The following OSBPL3 variants were observed in gnomAD, a reference collection of about 807,000 sequenced individuals.
OSBPL3 encodes the protein oxysterol binding protein like 3.
A neutral mutation model predicts 120.1 loss-of-function variants in OSBPL3; 65 were observed. The observed-to-expected ratio is 0.54, with a 90% confidence interval of 0.44 to 0.67. The LOEUF (loss-of-function observed/expected upper bound fraction) is 0.67. Ranked by LOEUF, OSBPL3 falls within the 30% of genes least tolerant of loss-of-function variation. The pLI is 0.00. For missense variants in OSBPL3, 1,004 were observed against 1,082.1 expected (o/e 0.93, Z 1.01); for synonymous variants, 416 against 402.6 (o/e 1.03, Z -0.40).
At chr7:24,911,769 T>C (rs749716912) in intron 1 of OSBPL3, among the ~76,000 whole-genome samples, 3 of 152,164 alleles carry the variant, frequency 2.0e-5, no homozygotes, top group Admixed American at 6.5e-5. Context: ...ACAGGAAGTT[T>C]TACTCACTTC....
At position 24,883,077 on chromosome 7, in the gene OSBPL3, A is replaced by C. The variant is rs11978132; in HGVS notation, c.96+9300T>G. The stretch of plus-strand genomic sequence containing the variant: ...GTGCAGAAACTTTTTAGTTTAATTA[A>C]GTAGGAAGTGAACATGTCTTTTTAT... On this transcript the variant is annotated intron_variant, in intron 2 of 22. Transcript: ENST00000313367. This position sits in a 1 kb window ranked among gnomAD's most constrained non-coding sequence, Gnocchi z 5.4. 0.014 allele frequency among the ~76,000 whole-genome samples: 2,192 copies of C among 152,264 alleles called. 60 individuals are homozygous for C. Among genetic ancestry groups the C allele is most frequent in the African/African-American group, 0.05 (2,063 of 41,532 alleles).
At position 24,881,614 on chromosome 7, in the gene OSBPL3, G is replaced by T. The variant is rs944279758; in HGVS notation, c.97-9545C>A. Among the ~76,000 whole-genome samples the T allele has an allele frequency of 6.6e-6, 1 of 152,186 alleles. No homozygotes were observed. The highest frequency in any genetic ancestry group is 1.5e-5 in the Non-Finnish European group (1 of 68,030). On this transcript the variant is annotated intron_variant, in intron 2 of 22. Transcript: ENST00000313367. This position sits in a 1 kb window ranked among gnomAD's most constrained non-coding sequence, Gnocchi z 4.3. ...AGACAGGCATAATCTCCAAAGCCTA[G>T]ATCCACATGAGCTGGGACTCCCAGA...
intron 1 of OSBPL3, among the ~76,000 whole-genome samples, chr7:24,909,783 C>CTTTTTTTTTT (rs10591188): frequency 5.2e-5 from 4 of 77,294 alleles, no homozygotes; most frequent in Non-Finnish European, 6.8e-5. Flanking sequence ...TTTTTTCTTT[C>CTTTTTTTTTT]TTTTTTTTTT....
In OSBPL3 at chr7:24,894,586, A is replaced by T. The variant is rs1404868040; in HGVS notation, c.-149-1965T>A. Among the ~76,000 whole-genome samples, 1 of 152,172 alleles carries T rather than the reference A, an allele frequency of 6.6e-6. No homozygotes were observed. The highest frequency in any genetic ancestry group is 2.4e-5 in the African/African-American group (1 of 41,446). On this transcript the variant is annotated intron_variant, in intron 1 of 22. Coordinates refer to ENST00000313367, the MANE Select transcript of OSBPL3 (RefSeq NM_015550.4). The surrounding 1 kb of genome is among the most constrained non-coding windows in gnomAD (Gnocchi z 4.1). Reference sequence around the variant, plus strand: ...TGCTTGGGGCGGGGAGGGGGCATCCACTGCTATGGCAACAGATTCCACAGT... The same window carrying T: ...TGCTTGGGGCGGGGAGGGGGCATCCTCTGCTATGGCAACAGATTCCACAGT...
At chr7:24,825,062 G>A (rs532113380) in intron 16 of OSBPL3, among the ~76,000 whole-genome samples, 1 of 152,348 alleles carries the variant, frequency 6.6e-6, no homozygotes, top group South Asian at 2.1e-4. Context: ...ACCATGGCCA[G>A]GACTTTGGAT....
Position 24,949,148 on chromosome 7 carries a change from T to C in OSBPL3, c.-150+30738A>G, listed in dbSNP as rs746298093. On this transcript the variant is annotated intron_variant, in intron 1 of 22. Coordinates refer to ENST00000313367, the MANE Select transcript of OSBPL3 (RefSeq NM_015550.4). Reference sequence around the variant, plus strand: ...ATTCACCTAGAATTTATCAATTTGCTTATTCACGTTAACAGAACCACATTT... The same window carrying C: ...ATTCACCTAGAATTTATCAATTTGCCTATTCACGTTAACAGAACCACATTT... Among the ~76,000 whole-genome samples, 71 of 152,234 alleles carry C rather than the reference T, an allele frequency of 4.7e-4. 1 individual carries two copies. The highest frequency in any genetic ancestry group is 9.0e-4 in the Non-Finnish European group (61 of 68,034).
At chr7:24,876,762 T>C (rs1802906155) in intron 2 of OSBPL3, among the ~76,000 whole-genome samples, 1 of 152,140 alleles carries the variant, frequency 6.6e-6, no homozygotes, top group South Asian at 2.1e-4. Context: ...TAAACCTAAC[T>C]ATATAAGCAA....
At chr7:24,890,540 A>G (rs1805193701) in intron 2 of OSBPL3, among the ~76,000 whole-genome samples, 1 of 152,188 alleles carries the variant, frequency 6.6e-6, no homozygotes, top group African/African-American at 2.4e-5. Flanking sequence ...GGGACAGAAC[A>G]CCTTTCTTCG....
At position 24,939,635 on chromosome 7, in the gene OSBPL3, T is replaced by C. The variant is rs1371925976; in HGVS notation, c.-150+40251A>G. On this transcript the variant is annotated intron_variant, in intron 1 of 22. Coordinates refer to ENST00000313367, the MANE Select transcript of OSBPL3 (RefSeq NM_015550.4). This position sits in a 1 kb window ranked among gnomAD's most constrained non-coding sequence, Gnocchi z 4.2. Reference sequence around the variant, plus strand: ...CTCTGGAACTTCCCTAATTTTAGACTTTTTAAATGTAGTTTCTTCTATTTG... The same window carrying C: ...CTCTGGAACTTCCCTAATTTTAGACCTTTTAAATGTAGTTTCTTCTATTTG... Among the ~76,000 whole-genome samples, 5 of 152,340 alleles carry C rather than the reference T, an allele frequency of 3.3e-5. No homozygotes were observed. The highest frequency in any genetic ancestry group is 1.2e-4 in the African/African-American group (5 of 41,570).
Position 24,797,907 on chromosome 7 carries a change from G to A in OSBPL3, c.*2276C>T, listed in dbSNP as rs1791890384. 1 of 152,100 alleles carries A rather than the reference G, an allele frequency of 6.6e-6. No individual in the cohort carries two copies. Among genetic ancestry groups the A allele is most frequent in the Admixed American group, 6.6e-5 (1 of 15,262 alleles). 9.4% of individuals were successfully genotyped at this position (152,100 alleles called of 1,614,324 possible). A position where few individuals can be genotyped will look rare whatever the true frequency, so the allele number is the denominator to read the frequency against. On this transcript the variant is annotated 3_prime_UTR_variant, in exon 23 of 23. Coordinates refer to ENST00000313367, the MANE Select transcript of OSBPL3 (RefSeq NM_015550.4). This position sits in a 1 kb window ranked among gnomAD's most constrained non-coding sequence, Gnocchi z 4.8. Reference sequence around the variant, plus strand: ...AAAATGTCCTAGAGACATACATTTGGGGGAAAGATGCTTTTGAGAAAAGGG... The same window carrying A: ...AAAATGTCCTAGAGACATACATTTGAGGGAAAGATGCTTTTGAGAAAAGGG...
chr7:24,959,879 T>C lies in OSBPL3; in HGVS notation c.-150+20007A>G, dbSNP rs901774127. Among the ~76,000 whole-genome samples, 3 of 152,120 alleles carry C rather than the reference T, an allele frequency of 2.0e-5. No individual in the cohort carries two copies. Among genetic ancestry groups the C allele is most frequent in the Non-Finnish European group, 4.4e-5 (3 of 68,018 alleles). ...AAACCGAACTTGAACAAAAAAGAAT[T>C]TTCTATTTCCGAAACAATGCATGAG... On this transcript the variant is annotated intron_variant, in intron 1 of 22. Coordinates refer to ENST00000313367, the MANE Select transcript of OSBPL3 (RefSeq NM_015550.4). The surrounding 1 kb of genome is among the most constrained non-coding windows in gnomAD (Gnocchi z 4.3).
rs999938243 is a variant in OSBPL3 at position 24,849,403 on chromosome 7, T to C, written c.1159-227A>G. ...GCTCTGGAAATGATGCTCTTTTTCT[T>C]TTCTCATTCCAGACATGGAGGGAGG... On this transcript the variant is annotated intron_variant, in intron 11 of 22. Transcript: ENST00000313367. The surrounding 1 kb of genome is among the most constrained non-coding windows in gnomAD (Gnocchi z 5.4). The C allele has an allele frequency of 1.5e-5, 5 of 334,458 alleles. No homozygotes were observed. Among genetic ancestry groups the C allele is most frequent in the African/African-American group, 1.1e-4 (5 of 46,878 alleles). The allele number at this position is 334,458 out of a possible 1,614,324, so 20.7% of individuals were successfully genotyped here.
chr7:24,864,120 T>C (rs1800973635), intron 7 of OSBPL3, among the ~76,000 whole-genome samples: 1 of 152,202 alleles, frequency 6.6e-6, no homozygotes, highest in Non-Finnish European at 1.5e-5. Context: ...GAAAACTTTG[T>C]CAATCATGGA....
chr7:24,812,322 A>C (rs1793920204), intron 19 of OSBPL3, among the ~76,000 whole-genome samples: 1 of 151,310 alleles, frequency 6.6e-6, no homozygotes, highest in South Asian at 2.1e-4. Flanking sequence ...AAAAAAAAAA[A>C]AAGAACAAGA....
chr7:24,868,448 C>T (rs936767880), intron 5 of OSBPL3, among the ~76,000 whole-genome samples: 2 of 147,862 alleles, frequency 1.4e-5, no homozygotes, highest in East Asian at 2.0e-4. Flanking sequence ...ATTAGGACAC[C>T]GAGATTTATG....
rs768143937 is a variant in OSBPL3, at chr7:24,936,964, GA to G, written c.-150+42921del. Among the ~76,000 whole-genome samples the G allele has an allele frequency of 2.6e-5, 4 of 152,198 alleles. No individual in the cohort carries two copies. The highest frequency in any genetic ancestry group is 4.4e-5 in the Non-Finnish European group (3 of 68,034). On this transcript the variant is annotated intron_variant, in intron 1 of 22. Transcript: ENST00000313367. This position sits in a 1 kb window ranked among gnomAD's most constrained non-coding sequence, Gnocchi z 4.2. ...AGAGGCAGCAACAGCAGTTGTCATA[GA>G]AAAGGATACTGTATTAGTCCATTCT...
intron 5 of OSBPL3, among the ~76,000 whole-genome samples, chr7:24,870,466 T>G (rs746448389): frequency 1.2e-4 from 18 of 152,162 alleles, no homozygotes; most frequent in Non-Finnish European, 2.5e-4. Flanking sequence ...GGAAACAAAA[T>G]TTTTCATTGT....
At chr7:24,981,507 G>GC, upstream of OSBPL3, 1 of 152,698 alleles carries the variant, frequency 6.5e-6, no homozygotes, top group East Asian at 1.9e-4. This position sits in a 1 kb window ranked among gnomAD's most constrained non-coding sequence, Gnocchi z 7.3. Flanking sequence ...AGCGCTCGAC[G>GC]CATTTTCAGT....
intron 1 of OSBPL3, among the ~76,000 whole-genome samples, chr7:24,919,826 C>T (rs1281227564): frequency 1.3e-5 from 2 of 150,810 alleles, no homozygotes; most frequent in Non-Finnish European, 1.5e-5. Flanking sequence ...ACAAATAATC[C>T]AATATTTTAA....
Sources: allele counts gnomAD v4.1 joint callset (sites outside exome capture counted in the v4.1 genomes callset), GRCh38; gene constraint gnomAD v4.1.1; non-coding constraint Gnocchi (gnomAD v3.1); transcripts MANE v1.5; gene names NCBI Gene and HGNC (gene_info 2026-07-23, HGNC 2026-07-21).